The following SRFBP1 variants were observed in gnomAD, a reference collection of about 807,000 sequenced individuals.
SRFBP1 encodes the protein serum response factor binding protein 1.
A neutral mutation model predicts 45.5 loss-of-function variants in SRFBP1; 47 were observed. The observed-to-expected ratio is 1.03, with a 90% CI of 0.82 to 1.32. The LOEUF is 1.32. Among genes scored for constraint, SRFBP1 ranks in the 40% most tolerant of loss-of-function variants. SRFBP1 has a pLI of 0.00. For missense variants in SRFBP1, 621 were observed against 484.6 expected (o/e 1.28, Z -2.64); for synonymous variants, 203 against 166.3 (o/e 1.22, Z -1.70).
chr5:122,051,389 A>G (rs1349343197), intron 2 of SRFBP1, among the ~76,000 whole-genome samples: 3 of 151,736 alleles, frequency 2.0e-5, no homozygotes, highest in African/African-American at 7.3e-5. Context: ...TTGGGAATCT[A>G]AGTCTTTGTA....
intron 2 of SRFBP1, among the ~76,000 whole-genome samples, chr5:122,040,962 A>G (rs999166726): frequency 6.6e-6 from 1 of 152,154 alleles, no homozygotes; most frequent in African/African-American, 2.4e-5. Context: ...ATATAAGTTT[A>G]TATAGTTTTC....
intron 2 of SRFBP1, among the ~76,000 whole-genome samples, chr5:122,058,464 C>T (rs547462837): frequency 1.3e-5 from 2 of 151,478 alleles, no homozygotes; most frequent in South Asian, 4.2e-4. Context: ...TTGAAGCCTC[C>T]TAGTCATCTG....
At chr5:122,073,551 G>A (rs1047898922) in intron 2 of SRFBP1, among the ~76,000 whole-genome samples, 1 of 152,172 alleles carries the variant, frequency 6.6e-6, no homozygotes, top group Non-Finnish European at 1.5e-5. Context: ...AAAAAACAGA[G>A]ATATCTTTTT....
At chr5:121,997,562 C>T (rs1752757321) in intron 4 of SRFBP1, among the ~76,000 whole-genome samples, 2 of 151,380 alleles carry the variant, frequency 1.3e-5, no homozygotes, top group South Asian at 4.2e-4. Context: ...CATAAAAACC[C>T]TAGAAGAAAA....
chr5:122,055,457 G>C (rs553114108), intron 2 of SRFBP1, among the ~76,000 whole-genome samples: 180 of 152,258 alleles, frequency 1.2e-3, no homozygotes, highest in Non-Finnish European at 2.1e-3. Flanking sequence ...GGGGTGGGAG[G>C]AGCTCAATCA....
At chr5:121,964,358 G>A (rs373593947) in intron 1 of SRFBP1, among the ~76,000 whole-genome samples, 13 of 151,338 alleles carry the variant, frequency 8.6e-5, no homozygotes, top group Non-Finnish European at 1.0e-4. Context: ...CCCCCCACCC[G>A]ACAGGCCTTG....
intron 2 of SRFBP1, among the ~76,000 whole-genome samples, chr5:122,056,469 G>A (rs1041381585): frequency 2.6e-5 from 4 of 152,142 alleles, no homozygotes; most frequent in Non-Finnish European, 4.4e-5. Flanking sequence ...AACGCATCTG[G>A]CTGCCAATAA....
chr5:122,060,467 C>A (rs1340881570), intron 2 of SRFBP1, among the ~76,000 whole-genome samples: 1 of 151,992 alleles, frequency 6.6e-6, no homozygotes, highest in East Asian at 1.9e-4. Flanking sequence ...TTGAAGCATC[C>A]TCTTACTTGA....
At chr5:122,034,605 CAT>C (rs1753657480) in intron 2 of SRFBP1, among the ~76,000 whole-genome samples, 1 of 152,028 alleles carries the variant, frequency 6.6e-6, no homozygotes, top group Non-Finnish European at 1.5e-5. Flanking sequence ...TTCATCAGAA[CAT>C]ACAGCACAAA....
rs78373051 is a variant in SRFBP1 at position 122,020,400 on chromosome 5, C to G, written c.665C>G (p.Pro222Arg). Residue 222 changes from proline (P) to arginine (R), a missense_variant, in exon 6 of 8, where the codon CCT (proline) becomes CGT (arginine). Transcript: ENST00000339397. ...SVVSLESQKT[P>R]ADPKLKTLSQ... ...GTTTCCCTTGAGTCCCAGAAGACACCTGCTGACCCAAAACTGAAAACTCTA... is the reference window on the plus strand; with the variant it reads ...GTTTCCCTTGAGTCCCAGAAGACACGTGCTGACCCAAAACTGAAAACTCTA... 3,287 of 1,614,040 alleles carry G rather than the reference C, an allele frequency of 2.0e-3. 58 individuals are homozygous for G. The African/African-American group carries it at 0.036, about 17-fold the overall frequency.
chr5:121,975,371 A>T lies in SRFBP1; in HGVS notation c.182A>T (p.Glu61Val). Residue 61 changes from glutamate to valine, a missense_variant, in exon 3 of 8, where the codon GAA becomes GTA. Coordinates refer to ENST00000339397, the MANE Select transcript of SRFBP1 (RefSeq NM_152546.3). ...AGACGGGCGCAAAGATTGCTTGAAG[A>T]AATCCATGCCATGAAGGTAAGGACT... The part of the protein sequence containing the change: ...NQRRAQRLLE[E>V]IHAMKELKPD... The T allele has an allele frequency of 1.2e-6, 2 of 1,613,372 alleles. No homozygotes were observed. The highest frequency in any genetic ancestry group is 1.7e-6 in the Non-Finnish European group (2 of 1,179,408).
chr5:122,048,689 T>C (rs1368453869), intron 2 of SRFBP1, among the ~76,000 whole-genome samples: 1 of 152,184 alleles, frequency 6.6e-6, no homozygotes, highest in Non-Finnish European at 1.5e-5. Flanking sequence ...CTTTTTTTGA[T>C]TGGTAAGCTA....
At chr5:122,077,645 G>T (rs533510800), downstream of SRFBP1, 55 of 1,610,164 alleles carry the variant, frequency 3.4e-5, no homozygotes, top group South Asian at 6.0e-4. The surrounding 1 kb of genome is among the most constrained non-coding windows in gnomAD (Gnocchi z 4.9). Context: ...GGGGCGGCCA[G>T]CGGTGACTCC....
chr5:122,027,041 C>A lies in SRFBP1; in HGVS notation c.1205C>A (p.Pro402His). 6.2e-7 allele frequency: 1 copy of A among 1,612,910 alleles called. No homozygotes were observed. The highest frequency in any genetic ancestry group is 8.5e-7 in the Non-Finnish European group (1 of 1,179,654). ...TKQQLQLPLH[P>H]SWEASRRRKE... The stretch of plus-strand genomic sequence containing the variant: ...CAGCAATTGCAGCTGCCTCTTCATC[C>A]TTCATGGGAAGCAAGCAGAAGGCGA... The change falls in exon 8 of 8, where the codon CCT becomes CAT. Residue 402 changes from proline (P) to histidine (H), a missense_variant. By Grantham distance (77) the Pro-to-His change is moderately conservative. Transcript: ENST00000339397.
chr5:121,997,011 AAG>A (rs1468806724), intron 4 of SRFBP1, among the ~76,000 whole-genome samples: 3 of 111,640 alleles, frequency 2.7e-5, no homozygotes, highest in Non-Finnish European at 5.3e-5. Flanking sequence ...AAGGAAATAA[AAG>A]AGGATACAAA....
At chr5:121,977,274 T>G (rs1580502130) in intron 3 of SRFBP1, among the ~76,000 whole-genome samples, 1 of 151,982 alleles carries the variant, frequency 6.6e-6, no homozygotes, top group South Asian at 2.1e-4. Flanking sequence ...TTCCTTAAAT[T>G]CATAAAATTC....
chr5:122,042,210 G>C (rs567515697), intron 2 of SRFBP1, among the ~76,000 whole-genome samples: 1 of 151,980 alleles, frequency 6.6e-6, no homozygotes, highest in Admixed American at 6.6e-5. Context: ...TAACCATTTT[G>C]TCCCTGTTAT....
At chr5:122,078,039 A>G (rs968315121), downstream of SRFBP1, 16 of 1,416,746 alleles carry the variant, frequency 1.1e-5, no homozygotes, top group African/African-American at 2.3e-4. Flanking sequence ...CACAGAAAAT[A>G]AAAACGGGGC....
intron 4 of SRFBP1, among the ~76,000 whole-genome samples, chr5:122,004,817 G>T (rs1005622178): frequency 2.0e-5 from 3 of 152,070 alleles, no homozygotes; most frequent in African/African-American, 7.2e-5. Flanking sequence ...TGTTTTTGCT[G>T]TGTCCCATAA....
Sources: allele counts gnomAD v4.1 joint callset (sites outside exome capture counted in the v4.1 genomes callset), GRCh38; gene constraint gnomAD v4.1.1; non-coding constraint Gnocchi (gnomAD v3.1); transcripts MANE v1.5; gene names NCBI Gene and HGNC (gene_info 2026-07-23, HGNC 2026-07-21).